KCNN2: variants seen among roughly 807,000 people sequenced by gnomAD.
The protein encoded by KCNN2 is small conductance calcium-activated potassium channel protein 2.
In KCNN2, 24 loss-of-function variants were observed where a neutral mutation model predicts 55.5. That is an observed-to-expected ratio of 0.43 (90% confidence interval 0.31 to 0.61). The LOEUF is 0.61. Among genes scored for constraint, KCNN2 ranks in the 20% least tolerant of loss-of-function variants. The pLI is 0.08. For synonymous variants in KCNN2, 431 were observed against 336.1 expected, an observed-to-expected ratio of 1.28 and a Z score of -3.09; for missense variants, 754 against 853.6, an observed-to-expected ratio of 0.88 and a Z score of 1.45.
intron 1 of KCNN2, among the ~76,000 whole-genome samples, chr5:114,165,544 A>G (rs979078666): frequency 6.6e-6 from 1 of 152,108 alleles, no homozygotes; most frequent in Non-Finnish European, 1.5e-5. Context: ...TAGTTTATTG[A>G]TTAGGTTGAT....
intron 3 of KCNN2, among the ~76,000 whole-genome samples, chr5:114,429,057 A>G (rs1759712306): frequency 6.6e-6 from 1 of 152,064 alleles, no homozygotes; most frequent in African/African-American, 2.4e-5. Flanking sequence ...AGTGGACATA[A>G]GTTTTCAAGT....
chr5:114,373,658 A>ATATATAT (rs1554084191), intron 2 of KCNN2, among the ~76,000 whole-genome samples: 37 of 104,434 alleles, frequency 3.5e-4, no homozygotes, highest in Non-Finnish European at 4.9e-4. Flanking sequence ...ATATATATAT[A>ATATATAT]AAATTACTTG....
At chr5:114,102,042 CCCA>C (rs1247730864) in intron 1 of KCNN2, among the ~76,000 whole-genome samples, 3 of 152,162 alleles carry the variant, frequency 2.0e-5, no homozygotes, top group African/African-American at 7.2e-5. Context: ...AATTTACACT[CCCA>C]CCAACAGTGA....
intron 1 of KCNN2, among the ~76,000 whole-genome samples, chr5:114,161,207 C>G (rs894094376): frequency 6.6e-6 from 1 of 151,874 alleles, no homozygotes; most frequent in African/African-American, 2.4e-5. Flanking sequence ...CTGGTGGTGA[C>G]AAAATCTCAG....
intron 1 of KCNN2, among the ~76,000 whole-genome samples, chr5:114,206,677 T>C (rs1440239615): frequency 3.3e-5 from 5 of 152,000 alleles, no homozygotes; most frequent in African/African-American, 2.4e-5. Flanking sequence ...CTCCCCTGAC[T>C]CCAGTTCATC....
intron 1 of KCNN2, among the ~76,000 whole-genome samples, chr5:114,067,393 C>T (rs1258838942): frequency 6.6e-6 from 1 of 152,212 alleles, no homozygotes; most frequent in East Asian, 1.9e-4. Context: ...ACATTTTCAA[C>T]AAGCTTTCCT....
chr5:114,089,453 A>G (rs1327505021), intron 1 of KCNN2, among the ~76,000 whole-genome samples: 3 of 152,192 alleles, frequency 2.0e-5, no homozygotes, highest in East Asian at 1.9e-4. Context: ...TTCAGTGTAC[A>G]AAAGCCTGGG....
At chr5:114,454,110 G>A (rs1036710583) in intron 3 of KCNN2, among the ~76,000 whole-genome samples, 3 of 152,132 alleles carry the variant, frequency 2.0e-5, no homozygotes, top group Non-Finnish European at 2.9e-5. Context: ...TGCTGAGAAT[G>A]ATGGTTTCCA....
intron 2 of KCNN2, among the ~76,000 whole-genome samples, chr5:114,246,408 G>T (rs1215616105): frequency 6.6e-6 from 1 of 152,060 alleles, no homozygotes; most frequent in East Asian, 1.9e-4. Context: ...CAATGCGTAG[G>T]TCATTTTTCA....
intron 2 of KCNN2, among the ~76,000 whole-genome samples, chr5:114,300,059 G>T (rs1276346856): frequency 2.6e-5 from 4 of 151,820 alleles, no homozygotes; most frequent in Non-Finnish European, 5.9e-5. Context: ...CAGATACTCA[G>T]CCCTCCTACC....
chr5:114,279,826 G>A (rs1322513152), intron 2 of KCNN2, among the ~76,000 whole-genome samples: 2 of 152,052 alleles, frequency 1.3e-5, no homozygotes, highest in Non-Finnish European at 1.5e-5. Flanking sequence ...GTAATGGGAT[G>A]GCTGGGCCAA....
intron 2 of KCNN2, among the ~76,000 whole-genome samples, chr5:114,247,329 G>A (rs186881713): frequency 1.6e-3 from 243 of 151,706 alleles, no homozygotes; most frequent in African/African-American, 5.6e-3. Flanking sequence ...TTTGTCACTT[G>A]AAGATGATTC....
intron 2 of KCNN2, among the ~76,000 whole-genome samples, chr5:114,226,477 G>A (rs1359411046): frequency 2.0e-5 from 3 of 152,116 alleles, no homozygotes; most frequent in Non-Finnish European, 4.4e-5. Flanking sequence ...CTTGAGGTCA[G>A]TAAAAAGAGA....
At chr5:114,114,998 T>A (rs980781249) in intron 1 of KCNN2, among the ~76,000 whole-genome samples, 4 of 152,156 alleles carry the variant, frequency 2.6e-5, no homozygotes, top group African/African-American at 7.2e-5. Flanking sequence ...GGGATATATA[T>A]AATGTAAAAA....
chr5:114,446,885 G>T (rs1760433270), intron 3 of KCNN2, among the ~76,000 whole-genome samples: 1 of 152,160 alleles, frequency 6.6e-6, no homozygotes, highest in Non-Finnish European at 1.5e-5. Flanking sequence ...CTGGGTGACA[G>T]AGCAAGACTC....
At chr5:114,491,509 C>CTTTTTTT (rs11295961) in intron 6 of KCNN2, among the ~76,000 whole-genome samples, 1 of 109,682 alleles carries the variant, frequency 9.1e-6, no homozygotes, top group East Asian at 2.7e-4. Context: ...TCTGCTTTTT[C>CTTTTTTT]TTTTTTTTTT....
At chr5:114,272,727 T>G (rs1378167438) in intron 2 of KCNN2, among the ~76,000 whole-genome samples, 1 of 152,170 alleles carries the variant, frequency 6.6e-6, no homozygotes, top group Non-Finnish European at 1.5e-5. Context: ...CTGTTAATGT[T>G]GGCTTTTTTG....
At chr5:114,143,273 C>A (rs1391843993) in intron 1 of KCNN2, among the ~76,000 whole-genome samples, 2 of 152,066 alleles carry the variant, frequency 1.3e-5, no homozygotes, top group East Asian at 3.9e-4. Context: ...TAAAAATTTA[C>A]AATATAGTGT....
At chr5:114,485,359 C>T (rs542421577) in intron 5 of KCNN2, among the ~76,000 whole-genome samples, 2 of 152,280 alleles carry the variant, frequency 1.3e-5, no homozygotes, top group Admixed American at 1.3e-4. Flanking sequence ...TCTCTTTCCT[C>T]ACAGGGAAAG....
Sources: allele counts gnomAD v4.1 joint callset (sites outside exome capture counted in the v4.1 genomes callset), GRCh38; gene constraint gnomAD v4.1.1; transcripts MANE v1.5; gene names NCBI Gene and HGNC (gene_info 2026-07-23, HGNC 2026-07-21).